NBPF20: variants seen among roughly 807,000 people sequenced by gnomAD.
NBPF20 encodes the protein NBPF member 20, also known as NBPF family member NBPF20.
A neutral mutation model predicts 68.1 loss-of-function variants in NBPF20; 90 were observed. The ratio of observed to expected loss-of-function variants is 1.32; its 90% CI spans 1.11 to 1.58. The LOEUF (loss-of-function observed/expected upper bound fraction) is 1.58. Among genes scored for constraint, NBPF20 ranks in the 40% most tolerant of loss-of-function variants. The probability of loss-of-function intolerance (pLI) is 0.00; values close to 1 mark genes in which losing one functional copy is unlikely to be tolerated. For missense variants in NBPF20, 816 were observed against 601.2 expected (o/e 1.36, Z -3.74); for synonymous variants, 290 against 228.1 (o/e 1.27, Z -2.45).
chr1:145,402,065 G>GA (rs1662548852), intron 4 of NBPF20, 102 bp downstream of exon 9: 7 of 879,288 alleles, frequency 8.0e-6, no homozygotes, highest in African/African-American at 3.6e-5. Flanking sequence ...AAGCTTAGTG[G>GA]AAAAAAACAC....
the NBPF20 span, among the ~76,000 whole-genome samples, chr1:145,425,537 T>A: frequency 3.3e-5 from 5 of 152,174 alleles, no homozygotes; most frequent in African/African-American, 1.2e-4. Context: ...ATATCGCCGC[T>A]GTCTCAACCG....
chr1:145,423,769 G>T, the NBPF20 span, among the ~76,000 whole-genome samples: 1 of 151,862 alleles, frequency 6.6e-6, no homozygotes, highest in African/African-American at 2.4e-5. Flanking sequence ...TAACTGACAG[G>T]CATCAGCAAG....
chr1:145,403,895 G>A (rs1481856629), intron 2 of NBPF20, among the ~76,000 whole-genome samples: 1 of 151,594 alleles, frequency 6.6e-6, no homozygotes, highest in Non-Finnish European at 1.5e-5. Context: ...AATAAAGTTT[G>A]TGTTAATTTA....
chr1:145,424,939 A>G, the NBPF20 span, among the ~76,000 whole-genome samples: 1 of 152,178 alleles, frequency 6.6e-6, no homozygotes, highest in African/African-American at 2.4e-5. Flanking sequence ...AGGCCAATAA[A>G]GACCCCAACT....
At chr1:145,394,995 A>G (rs1407721604) in exon 8 of NBPF20, 2 of 1,611,842 alleles carry the variant, frequency 1.2e-6, no homozygotes, top group African/African-American at 2.7e-5. Flanking sequence ...GTCAACAGCC[A>G]TGCAGACTTG....
chr1:145,290,136 A>G (rs1323318745), exon 138 of NBPF20: 5 of 148,950 alleles, frequency 3.4e-5, no homozygotes, highest in African/African-American at 1.3e-4. Flanking sequence ...AAAAATTGAG[A>G]CCCAAAATTT....
In NBPF20 at chr1:145,311,001, A is replaced by G. The variant is rs2101453437; in HGVS notation, c.13713-171T>C. On this transcript the variant is annotated intron_variant, in intron 113 of 137. Coordinates refer to ENST00000369373, the Ensembl canonical transcript of NBPF20. ...TTGGGATAGACCAGGGCCAGGTAGA[A>G]AAGAATGAAAGAGAAAGACAGGGAG... Among the ~76,000 whole-genome samples, 2 of 77,806 alleles carry G rather than the reference A, an allele frequency of 2.6e-5. 1 individual carries two copies. Among genetic ancestry groups the G allele is most frequent in the South Asian group, 9.4e-4 (2 of 2,128 alleles). The allele number at this position is 77,806 out of a possible 152,430, so 51.0% of individuals were successfully genotyped here. A position where few individuals can be genotyped will look rare whatever the true frequency, so the allele number is the denominator to read the frequency against.
At chr1:145,397,806 C>A (rs1448993362) in intron 7 of NBPF20, among the ~76,000 whole-genome samples, 2 of 152,150 alleles carry the variant, frequency 1.3e-5, no homozygotes, top group Non-Finnish European at 2.9e-5. Flanking sequence ...GATAAAGAGT[C>A]AAGTCCCATC....
chr1:145,425,503 C>G, the NBPF20 span, among the ~76,000 whole-genome samples: 2 of 152,248 alleles, frequency 1.3e-5, no homozygotes, highest in African/African-American at 2.4e-5. Flanking sequence ...CACGCAGCCT[C>G]GCGACCCTCA....
intron 8 of NBPF20, among the ~76,000 whole-genome samples, 152 bp downstream of exon 13, chr1:145,394,826 G>A (rs1485143256): frequency 2.0e-5 from 3 of 152,340 alleles, no homozygotes; most frequent in Non-Finnish European, 4.4e-5. Context: ...CTTCAGACTC[G>A]ACTCCAGAGT....
At chr1:145,346,369 T>C in exon 69 of NBPF20, 1 of 45,252 alleles carries the variant, frequency 2.2e-5, no homozygotes, top group Non-Finnish European at 3.3e-5. Flanking sequence ...TTCTTCCCCT[T>C]CTTCTTTCCT....
rs1459029970 is a variant in NBPF20 at position 145,400,261 on chromosome 1, C to T, written c.775+125G>A. ...TTAGCTGAGAAGGACAAAAAAAGTC[C>T]CTGATATCTGTTTAGAAACCCATCA... On this transcript the variant is annotated intron_variant, in intron 6 of 137. Coordinates refer to ENST00000369373, the Ensembl canonical transcript of NBPF20. 10 of 1,585,266 alleles carry T rather than the reference C, an allele frequency of 6.3e-6. No homozygotes were observed. The African/African-American group carries it at 9.5e-5, about 15-fold the overall frequency.
upstream of NBPF20, among the ~76,000 whole-genome samples, chr1:145,409,745 C>T (rs1235069643): frequency 1.3e-5 from 2 of 151,806 alleles, no homozygotes; most frequent in South Asian, 2.1e-4. Context: ...AGAGGAAGGT[C>T]TTCAGGACTC....
intron 13 of NBPF20, among the ~76,000 whole-genome samples, chr1:145,390,345 G>C (rs1464478843): frequency 4.1e-3 from 241 of 58,604 alleles, no homozygotes; most frequent in African/African-American, 8.5e-3. Flanking sequence ...CACACACACA[G>C]ACACACACAC....
At chr1:145,409,760 T>C (rs1662934537), upstream of NBPF20, among the ~76,000 whole-genome samples, 1 of 151,958 alleles carries the variant, frequency 6.6e-6, no homozygotes, top group African/African-American at 2.4e-5. Flanking sequence ...GGACTCAGAC[T>C]TATAGATTAA....
At chr1:145,422,860 A>G in the NBPF20 span, among the ~76,000 whole-genome samples, 1 of 150,242 alleles carries the variant, frequency 6.7e-6, no homozygotes, top group African/African-American at 2.5e-5. Context: ...ATGGTGGCAC[A>G]CTCCTATAGT....
At chr1:145,352,310 C>G (rs1376575958) in intron 61 of NBPF20, among the ~76,000 whole-genome samples, 112 of 90,878 alleles carry the variant, frequency 1.2e-3, no homozygotes, top group Non-Finnish European at 2.2e-3. Context: ...CACACACACA[C>G]ACACACACAC....
Position 145,394,959 on chromosome 1 carries a change from T to C in NBPF20, c.991+19A>G, listed in dbSNP as rs1289471167. The C allele has an allele frequency of 1.9e-5, 31 of 1,611,876 alleles. No individual in the cohort carries two copies. The highest frequency in any genetic ancestry group is 2.5e-5 in the Non-Finnish European group (29 of 1,179,828). On this transcript the variant is annotated intron_variant, in intron 8 of 137. Coordinates refer to ENST00000369373, the Ensembl canonical transcript of NBPF20. ...GGCCATGAACTGGAGCTTTATCACCTTCACAGTGTAGTACTCACTGCCTAT... is the reference window on the plus strand; with the variant it reads ...GGCCATGAACTGGAGCTTTATCACCCTCACAGTGTAGTACTCACTGCCTAT...
chr1:145,400,398 T>C (rs2101570071), exon 6 of NBPF20: 1 of 1,612,822 alleles, frequency 6.2e-7, no homozygotes, highest in East Asian at 2.2e-5. Flanking sequence ...CCTGGAATAA[T>C]GTGTACAGCA....
Sources: gnomAD v4.1 joint callset for allele counts (sites outside exome capture counted in the v4.1 genomes callset) on GRCh38, gnomAD v4.1.1 for gene constraint, MANE v1.5 for transcripts, NCBI Gene and HGNC (gene_info 2026-07-23, HGNC 2026-07-21) for gene names.